Variants in BRIP1 observed in about 807,000 individuals in gnomAD.
BRIP1 encodes the protein Fanconi anemia group J protein.
BRIP1 carries 88 observed loss-of-function variants against 119.7 expected under a neutral mutation model. The ratio of observed to expected loss-of-function variants is 0.74; its 90% CI spans 0.62 to 0.88. The LOEUF (loss-of-function observed/expected upper bound fraction) is 0.88, where lower values mean the gene tolerates loss of function less well. BRIP1 is among the 40% of genes least tolerant of loss of function. The pLI is 0.00. For missense variants in BRIP1, 1,259 were observed against 1,455.4 expected, an observed-to-expected ratio of 0.87 and a Z score of 2.20; for synonymous variants, 443 against 496.5, an observed-to-expected ratio of 0.89 and a Z score of 1.43.
Position 61,755,741 on chromosome 17 carries a change from C to T in BRIP1, c.2098-11150G>A, listed in dbSNP as rs1000547147. Among the ~76,000 whole-genome samples, 1 of 151,936 alleles carries T rather than the reference C, an allele frequency of 6.6e-6. No homozygotes were observed. On this transcript the variant is annotated intron_variant, in intron 14 of 19. Coordinates refer to ENST00000259008, the MANE Select transcript of BRIP1 (RefSeq NM_032043.3). The surrounding 1 kb of genome is among the most constrained non-coding windows in gnomAD (Gnocchi z 4.5). ...TCCTTCCTCCCTTCCTTTCTTCTCC[C>T]CTCCCTTCCGGAAGAAAACAGACAG... is the stretch of plus-strand genomic sequence containing the variant.
rs59441826 is a variant in BRIP1 at position 61,759,005 on chromosome 17, C to CATAAATAAATAAATAAATAAATAAATAA, written c.2098-14442_2098-14415dup. Among the ~76,000 whole-genome samples the CATAAATAAATAAATAAATAAATAAATAA allele has an allele frequency of 7.3e-6, 1 of 136,996 alleles. No homozygotes were observed. Among genetic ancestry groups the CATAAATAAATAAATAAATAAATAAATAA allele is most frequent in the African/African-American group, 2.7e-5 (1 of 37,040 alleles). The allele number at this position is 136,996 out of a possible 152,430, so 89.9% of individuals were successfully genotyped here. On this transcript the variant is annotated intron_variant, in intron 14 of 19. Transcript: ENST00000259008. The surrounding 1 kb of genome is among the most constrained non-coding windows in gnomAD (Gnocchi z 4.9). The stretch of plus-strand genomic sequence containing the variant: ...CCTGGGTGACAGAGCAAGACCCTGT[C>CATAAATAAATAAATAAATAAATAAATAA]ATAAATAAATAAATAAATAAATAAA...
In BRIP1 at chr17:61,809,280, A is replaced by G. The variant is rs1049865550; in HGVS notation, c.628-523T>C. 1.3e-5 allele frequency among the ~76,000 whole-genome samples: 2 copies of G among 152,212 alleles called. No individual in the cohort carries two copies. The highest frequency in any genetic ancestry group is 4.8e-5 in the African/African-American group (2 of 41,466). On this transcript the variant is annotated intron_variant, in intron 6 of 19. Coordinates refer to ENST00000259008, the MANE Select transcript of BRIP1 (RefSeq NM_032043.3). The surrounding 1 kb of genome is among the most constrained non-coding windows in gnomAD (Gnocchi z 5.2). ...GATCACTTAACAACTTCAAAAAGAG[A>G]AAATTCTTCTTTAGCAAAGGTACGA...
intron 6 of BRIP1, among the ~76,000 whole-genome samples, chr17:61,838,855 T>C (rs2078616443): frequency 6.6e-6 from 1 of 152,058 alleles, no homozygotes; most frequent in South Asian, 2.1e-4. Context: ...TCAATTACTT[T>C]ATCCAAAAGT....
At chr17:61,811,507 G>A (rs879743974) in intron 6 of BRIP1, among the ~76,000 whole-genome samples, 14 of 151,876 alleles carry the variant, frequency 9.2e-5, no homozygotes, top group Non-Finnish European at 2.1e-4. Context: ...ACAGGTGTAA[G>A]CCACCATGCC....
intron 6 of BRIP1, among the ~76,000 whole-genome samples, chr17:61,811,134 T>G (rs193168872): frequency 2.0e-5 from 3 of 152,330 alleles, no homozygotes; most frequent in South Asian, 4.1e-4. Context: ...TTGTTTGTTT[T>G]TTTAAGTTGT....
intron 17 of BRIP1, among the ~76,000 whole-genome samples, chr17:61,698,819 A>T (rs2061566479): frequency 6.6e-6 from 1 of 151,662 alleles, no homozygotes; most frequent in African/African-American, 2.4e-5. Context: ...GGCTCAGGTG[A>T]TTCTCCCACA....
chr17:61,788,924 T>C (rs2077774036), intron 10 of BRIP1, among the ~76,000 whole-genome samples: 1 of 151,812 alleles, frequency 6.6e-6, no homozygotes, highest in African/African-American at 2.4e-5. Context: ...CAAAAGCCCG[T>C]CTCTACAAAA....
rs963730385 is a variant in BRIP1 at position 61,700,999 on chromosome 17, G to A, written c.2493-7487C>T. Among the ~76,000 whole-genome samples the A allele has an allele frequency of 2.0e-5, 3 of 152,082 alleles. No homozygotes were observed. Among genetic ancestry groups the A allele is most frequent in the South Asian group, 4.2e-4 (2 of 4,806 alleles). ...ACTCCAGAATTTCCATTAGGTTTTT[G>A]TTAAGCAAATTTTATCTCTTTATTG... On this transcript the variant is annotated intron_variant, in intron 17 of 19. Transcript: ENST00000259008. This position sits in a 1 kb window ranked among gnomAD's most constrained non-coding sequence, Gnocchi z 4.1.
Position 61,780,532 on chromosome 17 carries a change from A to C in BRIP1, c.1795-131T>G, listed in dbSNP as rs2077601297. ...CGCTTGAGTCTAGGAGTCTGAGACC[A>C]GCCTGGGCAATATGGTGAAACCCCG... On this transcript the variant is annotated intron_variant, in intron 12 of 19. Coordinates refer to ENST00000259008, the MANE Select transcript of BRIP1 (RefSeq NM_032043.3). The surrounding 1 kb of genome is among the most constrained non-coding windows in gnomAD (Gnocchi z 5.4). 1 of 852,604 alleles carries C rather than the reference A, an allele frequency of 1.2e-6. No individual in the cohort carries two copies. Among genetic ancestry groups the C allele is most frequent in the Non-Finnish European group, 1.9e-6 (1 of 525,406 alleles). The allele number at this position is 852,604 out of a possible 1,614,324, so 52.8% of individuals were successfully genotyped here. A position where few individuals can be genotyped will look rare whatever the true frequency, so the allele number is the denominator to read the frequency against.
Position 61,720,719 on chromosome 17 carries a change from C to T in BRIP1, c.2380-4656G>A, listed in dbSNP as rs774267507. 6.6e-6 allele frequency among the ~76,000 whole-genome samples: 1 copy of T among 152,076 alleles called. No homozygotes were observed. Among genetic ancestry groups the T allele is most frequent in the Non-Finnish European group, 1.5e-5 (1 of 68,020 alleles). On this transcript the variant is annotated intron_variant, in intron 16 of 19. Coordinates refer to ENST00000259008, the MANE Select transcript of BRIP1 (RefSeq NM_032043.3). The surrounding 1 kb of genome is among the most constrained non-coding windows in gnomAD (Gnocchi z 4.3). ...TACTTAGTAGCTGTCTAGGTCTAAT[C>T]GAGTGTCATGGTATTGCAGTGCTTA...
At chr17:61,859,703 G>T in intron 3 of BRIP1, 93 bp downstream of exon 3, 1 of 822,194 alleles carries the variant, frequency 1.2e-6, no homozygotes, top group Non-Finnish European at 2.1e-6. Flanking sequence ...TTAAGTTAGC[G>T]ACAGCATGGC....
chr17:61,712,865 C>T (rs1005336316), intron 17 of BRIP1, among the ~76,000 whole-genome samples: 13 of 149,796 alleles, frequency 8.7e-5, no homozygotes, highest in Non-Finnish European at 1.2e-4. Context: ...GATTGTGCCA[C>T]TGCACTCCAG....
rs1455865004 is a variant in BRIP1 at position 61,828,498 on chromosome 17, A to G, written c.627+18603T>C. ...ACTAGATAATAGTATATAAATATGCATAATACCACTGAATTTACACTTAAA... is the reference window on the plus strand; with the variant it reads ...ACTAGATAATAGTATATAAATATGCGTAATACCACTGAATTTACACTTAAA... On this transcript the variant is annotated intron_variant, in intron 6 of 19. Transcript: ENST00000259008. The surrounding 1 kb of genome is among the most constrained non-coding windows in gnomAD (Gnocchi z 4.1). Among the ~76,000 whole-genome samples the G allele has an allele frequency of 6.6e-6, 1 of 152,212 alleles. No individual in the cohort carries two copies. Among genetic ancestry groups the G allele is most frequent in the Non-Finnish European group, 1.5e-5 (1 of 68,034 alleles).
In BRIP1 at chr17:61,827,257, A is replaced by G. The variant is rs1025493529; in HGVS notation, c.628-18500T>C. Among the ~76,000 whole-genome samples the G allele has an allele frequency of 2.0e-5, 3 of 152,068 alleles. No individual in the cohort carries two copies. Among genetic ancestry groups the G allele is most frequent in the African/African-American group, 4.8e-5 (2 of 41,434 alleles). On this transcript the variant is annotated intron_variant, in intron 6 of 19. Coordinates refer to ENST00000259008, the MANE Select transcript of BRIP1 (RefSeq NM_032043.3). The surrounding 1 kb of genome is among the most constrained non-coding windows in gnomAD (Gnocchi z 5.8). ...GAAACATAAAGGGGAAAAACACACA[A>G]TGGGGCCTATCAGAGGGTAGAGGGT...
chr17:61,774,527 A>G lies in BRIP1; in HGVS notation c.2097+1874T>C, dbSNP rs971994890. ...TGCAGCAAACCAGCATGGCACATGT[A>G]TACGTATGTAACAAACCTGCACGTT... On this transcript the variant is annotated intron_variant, in intron 14 of 19. Transcript: ENST00000259008. The surrounding 1 kb of genome is among the most constrained non-coding windows in gnomAD (Gnocchi z 5.8). Among the ~76,000 whole-genome samples the G allele has an allele frequency of 6.6e-6, 1 of 152,236 alleles. No individual in the cohort carries two copies. Among genetic ancestry groups the G allele is most frequent in the African/African-American group, 2.4e-5 (1 of 41,456 alleles).
chr17:61,801,647 C>A (rs1420848097), intron 7 of BRIP1, among the ~76,000 whole-genome samples, 173 bp from the exon 8 acceptor site: 1 of 152,172 alleles, frequency 6.6e-6, no homozygotes, highest in African/African-American at 2.4e-5. Context: ...ACCATAGCTA[C>A]AATCACAACG....
intron 14 of BRIP1, among the ~76,000 whole-genome samples, chr17:61,772,156 A>T (rs2077457758): frequency 2.3e-5 from 2 of 87,780 alleles, no homozygotes; most frequent in East Asian, 7.1e-4. Context: ...CAAATGTGAG[A>T]TTATATATAT....
At position 61,834,653 on chromosome 17, in the gene BRIP1, C is replaced by A. The variant is rs112859178; in HGVS notation, c.627+12448G>T. Among the ~76,000 whole-genome samples the A allele has an allele frequency of 1.3e-3, 191 of 152,252 alleles. 1 individual carries two copies. The highest frequency in any genetic ancestry group is 3.9e-3 in the African/African-American group (160 of 41,536). On this transcript the variant is annotated intron_variant, in intron 6 of 19. Transcript: ENST00000259008. The surrounding 1 kb of genome is among the most constrained non-coding windows in gnomAD (Gnocchi z 4.4). ...GTGACTGGAACATTAGCAAACCTGA[C>A]ACAAACAGACTCAAAAGGCATTTGT...
At position 61,681,477 on chromosome 17, in the gene BRIP1, T is replaced by C. The variant is rs2061269521; in HGVS notation, c.*1819A>G. 4.8e-6 allele frequency: 1 copy of C among 210,284 alleles called. No individual in the cohort carries two copies. Among genetic ancestry groups the C allele is most frequent in the Non-Finnish European group, 9.7e-6 (1 of 103,446 alleles). The allele number at this position is 210,284 out of a possible 1,614,324, so 13.0% of individuals were successfully genotyped here. A position where few individuals can be genotyped will look rare whatever the true frequency, so the allele number is the denominator to read the frequency against. ...TTGCCAATATGACTTAGCAAATCAG[T>C]GGCAGAGCCAGGTGTAGAGCCCAAG... On this transcript the variant is annotated 3_prime_UTR_variant, in exon 20 of 20. Transcript: ENST00000259008. This position sits in a 1 kb window ranked among gnomAD's most constrained non-coding sequence, Gnocchi z 5.1.
Sources: allele counts gnomAD v4.1 joint callset (sites outside exome capture counted in the v4.1 genomes callset), GRCh38; gene constraint gnomAD v4.1.1; non-coding constraint Gnocchi (gnomAD v3.1); transcripts MANE v1.5; gene names NCBI Gene and HGNC (gene_info 2026-07-23, HGNC 2026-07-21).